NOXA1: variants seen among roughly 807,000 people sequenced by gnomAD.
NOXA1 encodes NCF2-like protein.
Under a neutral mutation model 64.8 loss-of-function variants are expected in NOXA1, and 56 were observed. The ratio of observed to expected loss-of-function variants is 0.86; its 90% CI spans 0.70 to 1.08. The LOEUF (loss-of-function observed/expected upper bound fraction) is 1.08, where lower values mean the gene tolerates loss of function less well. NOXA1 is among the 50% of genes least tolerant of loss of function. The pLI, the probability that NOXA1 is intolerant of heterozygous loss-of-function variation, is 0.00. For missense variants in NOXA1, 668 were observed against 658.5 expected, an observed-to-expected ratio of 1.01 and a Z score of -0.16; for synonymous variants, 295 against 294.8, an observed-to-expected ratio of 1.00 and a Z score of -0.01.
chr9:137,431,735 A>G lies in NOXA1; in HGVS notation c.804+394A>G, dbSNP rs974662640. 6.6e-6 allele frequency among the ~76,000 whole-genome samples: 1 copy of G among 151,910 alleles called. No homozygotes were observed. Among genetic ancestry groups the G allele is most frequent in the African/African-American group, 2.4e-5 (1 of 41,354 alleles). The stretch of plus-strand genomic sequence containing the variant: ...AGGGGCCCCAAGGCTCCCGCCCCCC[A>G]TGGGGGCCCAGCAGCGACTCCATCC... On this transcript the variant is annotated intron_variant, in intron 8 of 13. Coordinates refer to ENST00000683555, the MANE Select transcript of NOXA1 (RefSeq NM_001256067.2). This position sits in a 1 kb window ranked among gnomAD's most constrained non-coding sequence, Gnocchi z 5.6.
chr9:137,424,314 G>A (rs1435084843), intron 1 of NOXA1, among the ~76,000 whole-genome samples: 1 of 152,254 alleles, frequency 6.6e-6, no homozygotes, highest in African/African-American at 2.4e-5. Context: ...CTGTGGGAGG[G>A]TCTCCACGCC....
chr9:137,432,701 G>A (rs1326387816), intron 8 of NOXA1, among the ~76,000 whole-genome samples: 5 of 152,284 alleles, frequency 3.3e-5, no homozygotes, highest in South Asian at 2.1e-4. Flanking sequence ...GGTTAATGTC[G>A]AGCCCACACA....
chr9:137,432,279 C>A (rs11562622), intron 8 of NOXA1, among the ~76,000 whole-genome samples: 38,888 of 101,536 alleles, frequency 0.38, 6,029 homozygotes, highest in East Asian at 0.67. Flanking sequence ...GACCCTGTCT[C>A]AAAAAAAAAA....
At position 137,431,375 on chromosome 9, in the gene NOXA1, GTC is replaced by G; in HGVS notation, c.804+35_804+36del. 1 of 1,554,772 alleles carries G rather than the reference GTC, an allele frequency of 6.4e-7. No homozygotes were observed. Among genetic ancestry groups the G allele is most frequent in the Admixed American group, 1.7e-5 (1 of 59,836 alleles). On this transcript the variant is annotated intron_variant, in intron 8 of 13. Transcript: ENST00000683555. This position sits in a 1 kb window ranked among gnomAD's most constrained non-coding sequence, Gnocchi z 5.6. ...GCCTGGGCCTCTTCCCCTGCTGGGG[GTC>G]GGTGCTTCTGCTGCCTCCGCAGACT... is the stretch of plus-strand genomic sequence containing the variant.
At chr9:137,432,174 G>A (rs1286504154) in intron 8 of NOXA1, among the ~76,000 whole-genome samples, 1 of 152,002 alleles carries the variant, frequency 6.6e-6, no homozygotes, top group Non-Finnish European at 1.5e-5. Context: ...CAGCACCGTG[G>A]GAGGCTGAGG....
Position 137,433,885 on chromosome 9 carries a change from G to A in NOXA1, c.1179+21G>A, listed in dbSNP as rs746487777. 6.2e-6 allele frequency: 9 copies of A among 1,461,290 alleles called. No individual in the cohort carries two copies. The South Asian group carries it at 1.2e-4, about 20-fold the overall frequency. The allele number at this position is 1,461,290 out of a possible 1,614,324, so 90.5% of individuals were successfully genotyped here. On this transcript the variant is annotated intron_variant, in intron 12 of 13. Coordinates refer to ENST00000683555, the MANE Select transcript of NOXA1 (RefSeq NM_001256067.2). Reference sequence around the variant, plus strand: ...GCAGGGTGAGCCAAGGGCGAGGCAGGGGCAGGGGCACCCTGAGGGGCGGTG... The same window carrying A: ...GCAGGGTGAGCCAAGGGCGAGGCAGAGGCAGGGGCACCCTGAGGGGCGGTG...
chr9:137,432,545 A>T (rs1839154381), intron 8 of NOXA1, among the ~76,000 whole-genome samples: 1 of 152,164 alleles, frequency 6.6e-6, no homozygotes, highest in Non-Finnish European at 1.5e-5. Flanking sequence ...GCGCCACTGC[A>T]CTCCAGCCTG....
rs1002379244 is a variant in NOXA1 at position 137,433,725 on chromosome 9, C to A, written c.1065-25C>A. The A allele has an allele frequency of 6.1e-6, 9 of 1,468,340 alleles. No homozygotes were observed. In the African/African-American group the frequency reaches 8.5e-5, roughly 14 times the overall value. The allele number at this position is 1,468,340 out of a possible 1,614,324, so 91.0% of individuals were successfully genotyped here. A position where few individuals can be genotyped will look rare whatever the true frequency, so the allele number is the denominator to read the frequency against. The stretch of plus-strand genomic sequence containing the variant: ...CTCCCTGCAGGCCCCACCCAGGAGG[C>A]CCCCTCTGAGGAATCTCTTTGCAGT... On this transcript the variant is annotated intron_variant, in intron 11 of 13. Transcript: ENST00000683555.
chr9:137,428,731 A>G, intron 3 of NOXA1, 151 bp from the exon 4 acceptor site: 5 of 416,550 alleles, frequency 1.2e-5, no homozygotes, highest in South Asian at 5.0e-5. Context: ...GGACTGGGGG[A>G]GAGGCTGGGT....
At chr9:137,428,284 C>T (rs1237499001) in intron 3 of NOXA1, 143 bp downstream of exon 3, 20 of 627,288 alleles carry the variant, frequency 3.2e-5, no homozygotes, top group African/African-American at 2.0e-4. Context: ...CTCCTTGACC[C>T]GCAGGAGGTT....
intron 10 of NOXA1, 22 bp downstream of exon 10, chr9:137,433,285 A>G: frequency 1.3e-6 from 2 of 1,546,540 alleles, no homozygotes; most frequent in Non-Finnish European, 1.7e-6. Flanking sequence ...TAGACCCTTC[A>G]CCTGTCAGTC....
Position 137,433,470 on chromosome 9 carries a change from C to A in NOXA1, c.927C>A (p.Gly309=). The change falls in exon 11 of 14, where the codon GGC becomes GGA. Residue 309 remains glycine (G), a synonymous_variant. Transcript: ENST00000683555. ...GGACCCAGGGAGCAGGTGCAGGGGG[C>A]TCCGAGCCCCTGGTGACTGTCACCG... ...PAGAGGAGAG[G]SEPLVTVTVQ... is the part of the protein sequence containing the mutation. 2.5e-6 allele frequency: 4 copies of A among 1,602,240 alleles called. No homozygotes were observed. In the African/African-American group the frequency reaches 5.3e-5, roughly 21 times the overall value.
Position 137,433,094 on chromosome 9 carries a change from C to T in NOXA1, c.850+20C>T, listed in dbSNP as rs751348060. Reference sequence around the variant, plus strand: ...CCCCAGGTATGGGCGTCCTCAGCGGCGGGGTCCCCGGGTGAAGGAGGAAGC... The same window carrying T: ...CCCCAGGTATGGGCGTCCTCAGCGGTGGGGTCCCCGGGTGAAGGAGGAAGC... On this transcript the variant is annotated intron_variant, in intron 9 of 13. Transcript: ENST00000683555. The T allele has an allele frequency of 5.0e-6, 8 of 1,612,608 alleles. No homozygotes were observed. The highest frequency in any genetic ancestry group is 3.3e-5 in the South Asian group (3 of 91,076).
intron 1 of NOXA1, among the ~76,000 whole-genome samples, chr9:137,425,773 A>G (rs1278265924): frequency 6.6e-6 from 1 of 151,622 alleles, no homozygotes; most frequent in East Asian, 2.0e-4. Flanking sequence ...GCCTGAGGTC[A>G]GGAGTTTGAG....
Position 137,428,961 on chromosome 9 carries a change from C to T in NOXA1, c.449C>T (p.Ser150Phe), listed in dbSNP as rs757014475. The stretch of plus-strand genomic sequence containing the variant: ...GCCAGCAGCCTAAGGGAGGCCATGT[C>T]CAAGTGGCCGGAGGGGTCCCTGAAT... ...EAASSLREAM[S>F]KWPEGSLNGL... The change falls in exon 4 of 14, where the codon TCC (serine) becomes TTC (phenylalanine). Residue 150 changes from serine (S) to phenylalanine (F), a missense_variant. Ser to Phe is a radical substitution (Grantham distance 155, BLOSUM62 -2). Coordinates refer to ENST00000683555, the MANE Select transcript of NOXA1 (RefSeq NM_001256067.2). 1.2e-6 allele frequency: 2 copies of T among 1,600,220 alleles called. No individual in the cohort carries two copies. The highest frequency in any genetic ancestry group is 1.7e-6 in the Non-Finnish European group (2 of 1,174,188).
rs118023933 is a variant in NOXA1, at chr9:137,431,585, G to A, written c.804+244G>A. On this transcript the variant is annotated intron_variant, in intron 8 of 13. Transcript: ENST00000683555. The surrounding 1 kb of genome is among the most constrained non-coding windows in gnomAD (Gnocchi z 5.6). ...GGTGGTGTCCAGTGGAGACATCCAC[G>A]TAGCCCTGCAGGCCCTCAGCCCCCA... 3.9e-4 allele frequency among the ~76,000 whole-genome samples: 60 copies of A among 152,326 alleles called. No individual in the cohort carries two copies. In the East Asian group the frequency reaches 8.1e-3, roughly 21 times the overall value.
At chr9:137,432,917 C>A in intron 8 of NOXA1, 112 bp from the exon 9 acceptor site, 1 of 1,184,474 alleles carries the variant, frequency 8.4e-7, no homozygotes, top group Non-Finnish European at 1.2e-6. Flanking sequence ...AGACCACCTG[C>A]TGGGTGCTGG....
chr9:137,424,158 G>C (rs1838726715), intron 1 of NOXA1, among the ~76,000 whole-genome samples: 1 of 152,144 alleles, frequency 6.6e-6, no homozygotes, highest in Admixed American at 6.5e-5. Context: ...GCCCCCTCGC[G>C]TTCCGGGGCC....
In NOXA1 at chr9:137,429,033, C is replaced by T. The variant is rs202050401; in HGVS notation, c.504+17C>T. The T allele has an allele frequency of 2.2e-4, 338 of 1,529,424 alleles. No individual in the cohort carries two copies. The highest frequency in any genetic ancestry group is 2.7e-4 in the Non-Finnish European group (310 of 1,136,622). The allele number at this position is 1,529,424 out of a possible 1,614,324, so 94.7% of individuals were successfully genotyped here. On this transcript the variant is annotated intron_variant, in intron 4 of 13. Coordinates refer to ENST00000683555, the MANE Select transcript of NOXA1 (RefSeq NM_001256067.2). ...CAAGTGCAGGTGAGGAGTGCCAGCCCGGTCATGGTTTTGGGCTGGTGCCTA... is the reference window on the plus strand; with the variant it reads ...CAAGTGCAGGTGAGGAGTGCCAGCCTGGTCATGGTTTTGGGCTGGTGCCTA...
Sources: gnomAD v4.1 joint callset for allele counts (sites outside exome capture counted in the v4.1 genomes callset) on GRCh38, gnomAD v4.1.1 for gene constraint, Gnocchi (gnomAD v3.1) non-coding constraint, MANE v1.5 for transcripts, NCBI Gene and HGNC (gene_info 2026-07-23, HGNC 2026-07-21) for gene names.